LAMA2: variants seen among roughly 807,000 people sequenced by gnomAD.
The protein encoded by LAMA2 is laminin subunit alpha 2, also known as laminin subunit alpha-2.
A neutral mutation model predicts 364.8 loss-of-function variants in LAMA2; 269 were observed. The observed-to-expected ratio is 0.74, with a 90% confidence interval of 0.67 to 0.82. The LOEUF (loss-of-function observed/expected upper bound fraction) is 0.82, where lower values mean the gene tolerates loss of function less well. Ranked by LOEUF, LAMA2 falls within the 40% of genes least tolerant of loss-of-function variation. The pLI is 0.00. For synonymous variants in LAMA2, 1,379 were observed against 1,370.6 expected (o/e 1.01, Z -0.14); for missense variants, 3,807 against 3,873.2 (o/e 0.98, Z 0.45).
At chr6:128,965,089 G>GTGAA (rs1309536548) in intron 1 of LAMA2, among the ~76,000 whole-genome samples, 1 of 152,070 alleles carries the variant, frequency 6.6e-6, no homozygotes, top group Non-Finnish European at 1.5e-5. Context: ...AGCAACTGCA[G>GTGAA]TGAATGGTGT....
At chr6:129,263,345 CAG>C (rs1188131809) in intron 15 of LAMA2, among the ~76,000 whole-genome samples, 8 of 152,050 alleles carry the variant, frequency 5.3e-5, no homozygotes, top group Non-Finnish European at 7.4e-5. Flanking sequence ...AGGAAATAAA[CAG>C]GGTGAAATAA....
chr6:128,900,137 C>A (rs1231428361), intron 1 of LAMA2, among the ~76,000 whole-genome samples: 1 of 152,160 alleles, frequency 6.6e-6, no homozygotes, highest in African/African-American at 2.4e-5. Context: ...TGTATGGTCT[C>A]TTGCTTGAAG....
At chr6:129,115,909 T>C (rs963801800) in intron 4 of LAMA2, among the ~76,000 whole-genome samples, 13 of 152,168 alleles carry the variant, frequency 8.5e-5, no homozygotes, top group Admixed American at 8.5e-4. Flanking sequence ...GTTATTATCA[T>C]TTATTTCAGC....
At chr6:129,237,983 C>T (rs1188408454) in intron 12 of LAMA2, among the ~76,000 whole-genome samples, 2 of 144,692 alleles carry the variant, frequency 1.4e-5, no homozygotes, top group African/African-American at 5.1e-5. Flanking sequence ...CATGGTGAAA[C>T]CCTGTGTTTA....
chr6:128,936,667 T>C (rs186693202), intron 1 of LAMA2, among the ~76,000 whole-genome samples: 38 of 152,320 alleles, frequency 2.5e-4, no homozygotes, highest in Non-Finnish European at 2.9e-5. Context: ...ATAAGAGTTA[T>C]GTGAATGTTG....
At chr6:129,147,627 G>A (rs1425556768) in intron 6 of LAMA2, among the ~76,000 whole-genome samples, 1 of 151,996 alleles carries the variant, frequency 6.6e-6, no homozygotes, top group Non-Finnish European at 1.5e-5. Context: ...TAACCTAAAG[G>A]AGAAGATGAA....
At chr6:129,163,923 ATT>A (rs1254613019) in intron 8 of LAMA2, among the ~76,000 whole-genome samples, 8 of 152,142 alleles carry the variant, frequency 5.3e-5, no homozygotes, top group Admixed American at 2.0e-4. Flanking sequence ...CATTATAAAC[ATT>A]GTTTCCTTTA....
intron 15 of LAMA2, 29 bp downstream of exon 15, chr6:129,260,851 C>A: frequency 7.6e-7 from 1 of 1,312,404 alleles, no homozygotes; most frequent in Non-Finnish European, 1.1e-6. Context: ...ATCCTTAGTG[C>A]TTTCAAAGTT....
At chr6:129,279,732 C>G (rs1454727037) in intron 17 of LAMA2, among the ~76,000 whole-genome samples, 1 of 152,150 alleles carries the variant, frequency 6.6e-6, no homozygotes, top group African/African-American at 2.4e-5. Context: ...GTATGTGAGG[C>G]TGCATATGTG....
intron 12 of LAMA2, among the ~76,000 whole-genome samples, chr6:129,229,599 G>C (rs1448823807): frequency 6.6e-6 from 1 of 152,140 alleles, no homozygotes; most frequent in Non-Finnish European, 1.5e-5. Flanking sequence ...GGTTGAATGA[G>C]GACAAACAGA....
chr6:129,423,727 C>G (rs1057052801), intron 40 of LAMA2, among the ~76,000 whole-genome samples: 8 of 151,690 alleles, frequency 5.3e-5, no homozygotes, highest in African/African-American at 1.9e-4. Flanking sequence ...TGTAAAAGAC[C>G]CCCTACACTG....
intron 22 of LAMA2, among the ~76,000 whole-genome samples, chr6:129,306,558 T>C (rs1015714391): frequency 5.9e-5 from 9 of 151,874 alleles, no homozygotes; most frequent in East Asian, 3.9e-4. Context: ...ATTTTTTTGT[T>C]CTTCATTCTT....
Position 129,147,061 on chromosome 6 carries a change from A to G in LAMA2, c.909+13A>G, listed in dbSNP as rs2114964257. 1 of 1,553,008 alleles carries G rather than the reference A, an allele frequency of 6.4e-7. No homozygotes were observed. The highest frequency in any genetic ancestry group is 8.9e-7 in the Non-Finnish European group (1 of 1,124,456). ...TCCAGCGACAAATGTATGTATATTT[A>G]TAGGATGCTTAGGCAAAATGAAGCC... is the stretch of plus-strand genomic sequence containing the variant. On this transcript the variant is annotated intron_variant, in intron 6 of 64. Transcript: ENST00000421865.
chr6:129,013,940 G>C (rs1320932134), intron 1 of LAMA2, among the ~76,000 whole-genome samples: 1 of 152,128 alleles, frequency 6.6e-6, no homozygotes. Flanking sequence ...GGATGTTTTA[G>C]GCAGCTGGAA....
rs1180308263 is a variant in LAMA2 at position 128,909,851 on chromosome 6, G to A, written c.112+26494G>A. 4.0e-5 allele frequency among the ~76,000 whole-genome samples: 6 copies of A among 151,736 alleles called. No individual in the cohort carries two copies. The East Asian group carries it at 7.7e-4, about 20-fold the overall frequency. On this transcript the variant is annotated intron_variant, in intron 1 of 64. Coordinates refer to ENST00000421865, the MANE Select transcript of LAMA2 (RefSeq NM_000426.4). ...GGCCTGGTGGTGACAAAATCTCTCA[G>A]CATTTGCTTGTCTGTAAAGTATTTT... is the stretch of plus-strand genomic sequence containing the variant.
intron 40 of LAMA2, among the ~76,000 whole-genome samples, chr6:129,407,906 A>C (rs576362502): frequency 1.3e-5 from 2 of 152,120 alleles, no homozygotes; most frequent in African/African-American, 4.8e-5. Context: ...GACTGATTTC[A>C]CCTTGATATT....
At chr6:128,984,825 T>G (rs973195200) in intron 1 of LAMA2, among the ~76,000 whole-genome samples, 3 of 152,158 alleles carry the variant, frequency 2.0e-5, no homozygotes, top group Non-Finnish European at 4.4e-5. Context: ...TGTGTTTTCT[T>G]TACAAAACAA....
intron 1 of LAMA2, among the ~76,000 whole-genome samples, chr6:128,922,620 A>G (rs1242535971): frequency 2.6e-5 from 4 of 151,884 alleles, no homozygotes; most frequent in African/African-American, 9.7e-5. Context: ...CCTTTGTCAG[A>G]TGAGCAGGTT....
intron 1 of LAMA2, among the ~76,000 whole-genome samples, chr6:128,908,321 T>C (rs1244949835): frequency 1.3e-5 from 2 of 151,914 alleles, no homozygotes; most frequent in South Asian, 2.1e-4. Context: ...GATCCTGTTA[T>C]TTGTCTATTC....
Sources: gnomAD v4.1 joint callset for allele counts (sites outside exome capture counted in the v4.1 genomes callset) on GRCh38, gnomAD v4.1.1 for gene constraint, MANE v1.5 for transcripts, NCBI Gene and HGNC (gene_info 2026-07-23, HGNC 2026-07-21) for gene names.